SYNE2: variants seen among roughly 807,000 people sequenced by gnomAD.
SYNE2 encodes the protein spectrin repeat containing nuclear envelope protein 2, also known as nesprin-2.
Under a neutral mutation model 856.3 loss-of-function variants are expected in SYNE2, and 431 were observed. The observed-to-expected ratio is 0.50, with a 90% CI of 0.47 to 0.55. The LOEUF is 0.55. Among genes scored for constraint, SYNE2 ranks in the 20% least tolerant of loss-of-function variants. SYNE2 has a pLI of 0.00. For missense variants in SYNE2, 8,129 were observed against 8,023.2 expected (o/e 1.01, Z -0.50); for synonymous variants, 2,923 against 2,872.3 (o/e 1.02, Z -0.56).
chr14:64,146,580 T>C (rs898112923), intron 84 of SYNE2, among the ~76,000 whole-genome samples: 13 of 152,270 alleles, frequency 8.5e-5, no homozygotes, highest in Non-Finnish European at 1.8e-4. Context: ...AAGGTTTCAT[T>C]ATTTTTAGCA....
chr14:64,203,243 T>A (rs1243177953), intron 100 of SYNE2, among the ~76,000 whole-genome samples: 3 of 152,252 alleles, frequency 2.0e-5, no homozygotes, highest in African/African-American at 4.8e-5. Context: ...TGTCTTTTTT[T>A]AACTGATCTT....
rs2097456596 is a variant in SYNE2 at position 64,076,119 on chromosome 14, CTACTGT to C, written c.11022+22_11022+27del. 25 of 1,610,908 alleles carry C rather than the reference CTACTGT, an allele frequency of 1.6e-5. No individual in the cohort carries two copies. The highest frequency in any genetic ancestry group is 2.0e-5 in the Non-Finnish European group (24 of 1,178,022). ...TGAGAAGGTAATAATAATGTCTGTA[CTACTGT>C]TATTATTTACGGAGCTGAATGACTA... is the stretch of plus-strand genomic sequence containing the variant. On this transcript the variant is annotated intron_variant, in intron 54 of 115. Coordinates refer to ENST00000555002, the MANE Select transcript of SYNE2 (RefSeq NM_182914.3).
chr14:64,141,897 T>C, intron 81 of SYNE2, 45 bp from the exon 82 acceptor site: 1 of 1,608,936 alleles, frequency 6.2e-7, no homozygotes, highest in Non-Finnish European at 8.5e-7. Context: ...CTGATTCATT[T>C]TGTTAACTGC....
At chr14:63,798,808 C>T (rs1039536147) in intron 1 of SYNE2, among the ~76,000 whole-genome samples, 9 of 152,114 alleles carry the variant, frequency 5.9e-5, no homozygotes, top group African/African-American at 9.7e-5. Flanking sequence ...TAGAGCAACA[C>T]CCATCTGTAT....
intron 1 of SYNE2, among the ~76,000 whole-genome samples, chr14:63,791,846 G>A (rs1317479710): frequency 6.7e-6 from 1 of 150,154 alleles, no homozygotes; most frequent in Admixed American, 6.7e-5. Flanking sequence ...TCAGGAGGCT[G>A]AGGCAGGGGA....
At position 64,052,550 on chromosome 14, in the gene SYNE2, A is replaced by G; in HGVS notation, c.8637A>G (p.Ala2879=). 6.2e-7 allele frequency: 1 copy of G among 1,614,180 alleles called. No homozygotes were observed. The highest frequency in any genetic ancestry group is 8.5e-7 in the Non-Finnish European group (1 of 1,180,038). The change falls in exon 48 of 116, where the codon GCA becomes GCG. Residue 2879 remains alanine, a synonymous_variant. Transcript: ENST00000555002. ...ELKHHHVTLE[A]SQKELQEIDS... ...AACATCACCATGTTACTTTGGAGGC[A>G]TCTCAGAAGGAATTGCAAGAAATTG...
chr14:63,895,530 G>C (rs1284033973), intron 1 of SYNE2, among the ~76,000 whole-genome samples: 1 of 149,076 alleles, frequency 6.7e-6, no homozygotes, highest in Non-Finnish European at 1.5e-5. Flanking sequence ...AAGTGCATGG[G>C]TCACTTAAGC....
intron 58 of SYNE2, among the ~76,000 whole-genome samples, chr14:64,089,369 G>GA (rs57358817): frequency 0.033 from 1,678 of 50,502 alleles, 135 homozygotes; most frequent in African/African-American, 0.077. Flanking sequence ...TCCGTCTCAG[G>GA]AAAAAAAAAA....
intron 8 of SYNE2, among the ~76,000 whole-genome samples, chr14:63,960,051 C>T (rs749630034): frequency 4.6e-5 from 7 of 152,078 alleles, no homozygotes; most frequent in South Asian, 2.1e-4. Context: ...ACTATTTTGA[C>T]GTAATATTGT....
At chr14:64,016,438 A>G in intron 32 of SYNE2, 35 bp from the exon 33 acceptor site, 1 of 1,436,518 alleles carries the variant, frequency 7.0e-7, no homozygotes, top group Non-Finnish European at 9.6e-7. Context: ...GTCTATATCA[A>G]AATATCAGAA....
intron 103 of SYNE2, among the ~76,000 whole-genome samples, chr14:64,210,391 G>C (rs772716767): frequency 2.6e-5 from 4 of 152,190 alleles, no homozygotes; most frequent in African/African-American, 9.7e-5. Flanking sequence ...TCTGTAACCC[G>C]TGGTGGTGTG....
chr14:63,950,109 C>T, intron 7 of SYNE2, 103 bp downstream of exon 7: 2 of 1,241,598 alleles, frequency 1.6e-6, no homozygotes, highest in South Asian at 2.4e-5. Context: ...AAAATTCTCA[C>T]TATCCCCCTT....
intron 79 of SYNE2, among the ~76,000 whole-genome samples, chr14:64,138,747 CAT>C (rs2098115825): frequency 6.6e-6 from 1 of 152,068 alleles, no homozygotes; most frequent in Admixed American, 6.6e-5. Context: ...AGGAGGAGAA[CAT>C]AGAACATTTA....
intron 45 of SYNE2, among the ~76,000 whole-genome samples, chr14:64,033,741 AATG>A (rs986438575): frequency 1.4e-4 from 21 of 152,144 alleles, no homozygotes; most frequent in African/African-American, 5.1e-4. Context: ...ATTAATCTTG[AATG>A]ATAAGAGTTA....
chr14:64,031,508 T>G (rs555049790), intron 45 of SYNE2, 151 bp downstream of exon 45: 1 of 741,024 alleles, frequency 1.3e-6, no homozygotes, highest in African/African-American at 1.8e-5. Flanking sequence ...TAAAAAGAGC[T>G]CTTAGAAAAT....
rs532972592 is a variant in SYNE2, at chr14:64,091,450, G to GCA, written c.11976+404_11976+405dup. ...ACCAAACGTGATGTAGGTAGAGTAG[G>GCA]CACTTTATCTTTATTTTTACAGATA... On this transcript the variant is annotated intron_variant, in intron 60 of 115. Transcript: ENST00000555002. 3.7e-3 allele frequency among the ~76,000 whole-genome samples: 559 copies of GCA among 152,282 alleles called. 4 individuals carry two copies. The highest frequency in any genetic ancestry group is 6.7e-3 in the Non-Finnish European group (455 of 68,020).
At chr14:64,015,081 A>T (rs927597369) in intron 32 of SYNE2, among the ~76,000 whole-genome samples, 7 of 146,284 alleles carry the variant, frequency 4.8e-5, no homozygotes, top group Admixed American at 6.8e-5. Flanking sequence ...ATATGTATAT[A>T]TATATAACGT....
At chr14:63,890,053 CTTTTTTTTTTT>C (rs71123813) in intron 1 of SYNE2, among the ~76,000 whole-genome samples, 3 of 95,062 alleles carry the variant, frequency 3.2e-5, no homozygotes, top group African/African-American at 1.3e-4. Flanking sequence ...TTCTTTCTTT[CTTTTTTTTTTT>C]TTTTTTTTTT....
At chr14:63,803,612 C>T (rs546170194) in intron 1 of SYNE2, among the ~76,000 whole-genome samples, 2 of 152,338 alleles carry the variant, frequency 1.3e-5, no homozygotes, top group African/African-American at 4.8e-5. Context: ...CCTGCAAGCA[C>T]GCACGCAGCC....
Sources: gnomAD v4.1 joint callset for allele counts (sites outside exome capture counted in the v4.1 genomes callset) on GRCh38, gnomAD v4.1.1 for gene constraint, MANE v1.5 for transcripts, NCBI Gene and HGNC (gene_info 2026-07-23, HGNC 2026-07-21) for gene names.